Variants in NDST1 observed in about 807,000 individuals in gnomAD.
The protein encoded by NDST1 is N-deacetylase and N-sulfotransferase 1, also known as bifunctional heparan sulfate N-deacetylase/N-sulfotransferase 1.
A neutral mutation model predicts 92.8 loss-of-function variants in NDST1; 35 were observed. The ratio of observed to expected loss-of-function variants is 0.38; its 90% CI spans 0.29 to 0.50. The LOEUF (loss-of-function observed/expected upper bound fraction) is 0.50, where lower values mean the gene tolerates loss of function less well. Ranked by LOEUF, NDST1 falls within the 20% of genes least tolerant of loss-of-function variation. The pLI is 0.94. For synonymous variants in NDST1, 493 were observed against 500.3 expected (o/e 0.99, Z 0.19); for missense variants, 822 against 1,182.7 (o/e 0.69, Z 4.47).
rs144715747 is a variant in NDST1 at position 150,521,398 on chromosome 5, G to A, written c.144G>A (p.Ser48=). The change falls in exon 2 of 15, where the codon TCG becomes TCA. Residue 48 remains serine (S), a synonymous_variant. Transcript: ENST00000261797. This position sits in a 1 kb window ranked among gnomAD's most constrained non-coding sequence, Gnocchi z 5.9. ...LYGWKRGLEP[S]ADAPEPDCGD... is the part of the protein sequence containing the mutation. ...GCTGGAAGCGAGGCCTGGAGCCCTC[G>A]GCGGATGCCCCCGAGCCTGACTGCG... 297 of 1,613,198 alleles carry A rather than the reference G, an allele frequency of 1.8e-4. 3 individuals carry two copies. In the African/African-American group the frequency reaches 3.2e-3, roughly 18 times the overall value.
chr5:150,548,165 C>T lies in NDST1; in HGVS notation c.2146-53C>T, dbSNP rs558676790. 4.3e-6 allele frequency: 7 copies of T among 1,611,994 alleles called. No individual in the cohort carries two copies. The Middle Eastern group carries it at 6.6e-4, about 152-fold the overall frequency. On this transcript the variant is annotated intron_variant, in intron 11 of 14. Transcript: ENST00000261797. ...TTGCGGGCTGCTGTCCCTCTCAGGC[C>T]ACTTCCTTTGTGTCCTCCAAGTGGC...
intron 14 of NDST1, 64 bp downstream of exon 14, chr5:150,551,919 AG>A: frequency 6.3e-7 from 1 of 1,593,754 alleles, no homozygotes; most frequent in East Asian, 2.3e-5. Flanking sequence ...TATGGAGTTG[AG>A]GGGGATTCTC....
At chr5:150,506,443 G>A (rs1753461272), upstream of NDST1, among the ~76,000 whole-genome samples, 1 of 152,062 alleles carries the variant, frequency 6.6e-6, no homozygotes, top group Non-Finnish European at 1.5e-5. Flanking sequence ...AAGGCTCCTC[G>A]CGGGCCTCAC....
intron 1 of NDST1, among the ~76,000 whole-genome samples, chr5:150,515,454 G>A (rs998896330): frequency 6.6e-6 from 1 of 152,260 alleles, no homozygotes; most frequent in African/African-American, 2.4e-5. Flanking sequence ...GCACCGTGGA[G>A]TGGGGATGAG....
At chr5:150,535,950 A>G (rs116823107) in intron 6 of NDST1, 65 bp downstream of exon 6, 103 of 1,530,120 alleles carry the variant, frequency 6.7e-5, no homozygotes, top group Non-Finnish European at 9.0e-5. Flanking sequence ...ATGTGTGTGC[A>G]TACGCTGTCC....
At chr5:150,524,757 G>T (rs1345597739) in intron 2 of NDST1, among the ~76,000 whole-genome samples, 1 of 152,218 alleles carries the variant, frequency 6.6e-6, no homozygotes, top group African/African-American at 2.4e-5. Flanking sequence ...CTACTTACCA[G>T]TTGAGCATCC....
At chr5:150,537,813 A>G (rs77641417) in intron 6 of NDST1, among the ~76,000 whole-genome samples, 5,433 of 152,278 alleles carry the variant, frequency 0.036, 332 homozygotes, top group East Asian at 0.29. Context: ...AGGACCTGCC[A>G]ACATGTGACA....
intron 1 of NDST1, among the ~76,000 whole-genome samples, chr5:150,519,314 A>G (rs1159957789): frequency 6.6e-6 from 1 of 152,222 alleles, no homozygotes; most frequent in Non-Finnish European, 1.5e-5. Context: ...GCTGGGCCCA[A>G]GCCTTGAATT....
chr5:150,540,335 G>T lies in NDST1; in HGVS notation c.1749+71G>T. On this transcript the variant is annotated intron_variant, in intron 8 of 14. Coordinates refer to ENST00000261797, the MANE Select transcript of NDST1 (RefSeq NM_001543.5). ...CCACCACTCACAGGCACACACTCCA[G>T]ATATGGACTCAAGGCTCAGCCATCA... The T allele has an allele frequency of 2.7e-6, 4 of 1,471,782 alleles. No homozygotes were observed. The South Asian group carries it at 5.3e-5, about 19-fold the overall frequency. The allele number at this position is 1,471,782 out of a possible 1,614,324, so 91.2% of individuals were successfully genotyped here. A position where few individuals can be genotyped will look rare whatever the true frequency, so the allele number is the denominator to read the frequency against.
intron 11 of NDST1, 118 bp downstream of exon 11, chr5:150,545,604 C>A: frequency 1.5e-6 from 2 of 1,327,412 alleles, no homozygotes; most frequent in Non-Finnish European, 1.1e-6. Context: ...CAGCCCTGAG[C>A]CAGGCGCCTG....
chr5:150,517,718 T>C (rs1299514154), intron 1 of NDST1, among the ~76,000 whole-genome samples: 1 of 152,326 alleles, frequency 6.6e-6, no homozygotes, highest in African/African-American at 2.4e-5. Context: ...AAATGTCAGA[T>C]TCCCACAGGG....
At chr5:150,543,917 C>T (rs1356875090) in intron 10 of NDST1, among the ~76,000 whole-genome samples, 1 of 152,078 alleles carries the variant, frequency 6.6e-6, no homozygotes, top group African/African-American at 2.4e-5. Flanking sequence ...GTAGCTGGGA[C>T]TACAGGTGCC....
intron 1 of NDST1, among the ~76,000 whole-genome samples, chr5:150,498,694 C>A (rs1031320272): frequency 3.3e-5 from 5 of 152,220 alleles, no homozygotes; most frequent in South Asian, 2.1e-4. Flanking sequence ...CCCTTCCCCC[C>A]ACGGAGCTGT....
Position 150,557,190 on chromosome 5 carries a change from C to T in NDST1, c.*3858C>T, listed in dbSNP as rs561710993. 8 of 152,638 alleles carry T rather than the reference C, an allele frequency of 5.2e-5. No individual in the cohort carries two copies. Among genetic ancestry groups the T allele is most frequent in the African/African-American group, 1.9e-4 (8 of 41,564 alleles). The allele number at this position is 152,638 out of a possible 1,614,324, so 9.5% of individuals were successfully genotyped here. On this transcript the variant is annotated 3_prime_UTR_variant, in exon 15 of 15. Coordinates refer to ENST00000261797, the MANE Select transcript of NDST1 (RefSeq NM_001543.5). The surrounding 1 kb of genome is among the most constrained non-coding windows in gnomAD (Gnocchi z 4.7). ...GTTAGAGCAAGAGCTCTGGGGGGGC[C>T]GGAAAGTCTCCCTGGAGAAGGCCGT... is the stretch of plus-strand genomic sequence containing the variant.
At chr5:150,520,663 G>A (rs1372606698) in intron 1 of NDST1, among the ~76,000 whole-genome samples, 1 of 152,156 alleles carries the variant, frequency 6.6e-6, no homozygotes, top group Non-Finnish European at 1.5e-5. Context: ...TTATGAGATG[G>A]GTTCATATTA....
At position 150,521,862 on chromosome 5, in the gene NDST1, C is replaced by T. The variant is rs1030339730; in HGVS notation, c.513+95C>T. 127 of 1,526,382 alleles carry T rather than the reference C, an allele frequency of 8.3e-5. No homozygotes were observed. Among genetic ancestry groups the T allele is most frequent in the Non-Finnish European group, 1.0e-4 (117 of 1,116,626 alleles). 94.6% of individuals were successfully genotyped at this position (1,526,382 alleles called of 1,614,324 possible). A position where few individuals can be genotyped will look rare whatever the true frequency, so the allele number is the denominator to read the frequency against. ...GTGAAATAGGTGTAATGGTAGCACCCGCCTCCTGGGGTTGTTGGGAGGGTT... is the reference window on the plus strand; with the variant it reads ...GTGAAATAGGTGTAATGGTAGCACCTGCCTCCTGGGGTTGTTGGGAGGGTT... On this transcript the variant is annotated intron_variant, in intron 2 of 14. Coordinates refer to ENST00000261797, the MANE Select transcript of NDST1 (RefSeq NM_001543.5). The surrounding 1 kb of genome is among the most constrained non-coding windows in gnomAD (Gnocchi z 5.9).
chr5:150,534,314 G>T (rs1441032626), intron 4 of NDST1, among the ~76,000 whole-genome samples: 2 of 151,944 alleles, frequency 1.3e-5, no homozygotes, highest in Non-Finnish European at 2.9e-5. Flanking sequence ...ATGTTGCCTA[G>T]GCTGGTCTCA....
chr5:150,529,676 A>G (rs1754635139), intron 3 of NDST1, among the ~76,000 whole-genome samples: 1 of 152,246 alleles, frequency 6.6e-6, no homozygotes, highest in Non-Finnish European at 1.5e-5. Context: ...GGGGGATTAA[A>G]TTCTAGAGAC....
intron 1 of NDST1, among the ~76,000 whole-genome samples, chr5:150,500,086 A>G (rs768296687): frequency 1.6e-4 from 24 of 152,216 alleles, no homozygotes; most frequent in Non-Finnish European, 2.4e-4. Context: ...AACTCATTCA[A>G]TTGAAATCTT....
Sources: allele counts gnomAD v4.1 joint callset (sites outside exome capture counted in the v4.1 genomes callset), GRCh38; gene constraint gnomAD v4.1.1; non-coding constraint Gnocchi (gnomAD v3.1); transcripts MANE v1.5; gene names NCBI Gene and HGNC (gene_info 2026-07-23, HGNC 2026-07-21).